Variants in DAB1 observed in about 807,000 individuals in gnomAD.
DAB1 encodes the protein DAB adaptor protein 1, also known as disabled homolog 1.
Under a neutral mutation model 64.6 loss-of-function variants are expected in DAB1, and 15 were observed. The observed-to-expected ratio is 0.23, with a 90% CI of 0.16 to 0.36. The LOEUF (loss-of-function observed/expected upper bound fraction) is 0.36. DAB1 is among the 10% of genes least tolerant of loss of function. DAB1 has a pLI of 1.00. For synonymous variants in DAB1, 235 were observed against 251.9 expected, an observed-to-expected ratio of 0.93 and a Z score of 0.64; for missense variants, 596 against 706.7, an observed-to-expected ratio of 0.84 and a Z score of 1.78.
chr1:57,015,732 G>A (rs1354949187), intron 11 of DAB1, among the ~76,000 whole-genome samples: 5 of 152,208 alleles, frequency 3.3e-5, no homozygotes, highest in African/African-American at 9.7e-5. Context: ...CAGAAGCTGT[G>A]TGTCTCAGGG....
chr1:57,080,268 C>T (rs1290071659), intron 4 of DAB1, among the ~76,000 whole-genome samples: 1 of 152,166 alleles, frequency 6.6e-6, no homozygotes, highest in Non-Finnish European at 1.5e-5. Flanking sequence ...TCCTTTATCT[C>T]TATAAATTTG....
chr1:58,239,882 G>T (rs1212414342), intron 4 of DAB1, among the ~76,000 whole-genome samples: 1 of 152,126 alleles, frequency 6.6e-6, no homozygotes, highest in African/African-American at 2.4e-5. Context: ...GAAGACCAAA[G>T]GTTTCCAGTC....
chr1:58,158,351 T>G (rs776822447), intron 4 of DAB1, among the ~76,000 whole-genome samples: 5 of 152,198 alleles, frequency 3.3e-5, no homozygotes, highest in Admixed American at 6.5e-5. Flanking sequence ...AGAGCAGAGA[T>G]AAATTCAAAG....
intron 6 of DAB1, among the ~76,000 whole-genome samples, chr1:57,781,126 C>CTATATATA (rs35044056): frequency 1.8e-4 from 5 of 27,726 alleles, no homozygotes; most frequent in Non-Finnish European, 3.2e-4. Context: ...CTCTCTCTCT[C>CTATATATA]TATATATATA....
chr1:57,767,285 G>A (rs1649356534), intron 6 of DAB1, among the ~76,000 whole-genome samples: 1 of 152,116 alleles, frequency 6.6e-6, no homozygotes, highest in Admixed American at 6.6e-5. Flanking sequence ...CTCAGGTATG[G>A]TTGAAAGGGG....
At chr1:58,282,275 T>G (rs1661580643) in intron 4 of DAB1, among the ~76,000 whole-genome samples, 1 of 152,182 alleles carries the variant, frequency 6.6e-6, no homozygotes, top group African/African-American at 2.4e-5. Flanking sequence ...TAACTGGTAC[T>G]TCCTTATTCA....
At chr1:58,127,085 C>A (rs28793587) in intron 5 of DAB1, among the ~76,000 whole-genome samples, 2,821 of 150,002 alleles carry the variant, frequency 0.019, 75 homozygotes, top group South Asian at 0.088. Context: ...ACAGTGTAAA[C>A]GTGTTCCTAT....
intron 7 of DAB1, among the ~76,000 whole-genome samples, chr1:57,485,217 T>A (rs894878847): frequency 3.6e-5 from 5 of 140,750 alleles, no homozygotes; most frequent in Non-Finnish European, 7.8e-5. Context: ...AGGACAATGA[T>A]GGTGATTTTA....
intron 8 of DAB1, among the ~76,000 whole-genome samples, chr1:57,063,673 G>A (rs1271230075): frequency 1.3e-5 from 2 of 152,164 alleles, no homozygotes; most frequent in Non-Finnish European, 2.9e-5. Context: ...TTATTCTGAG[G>A]ATGGAGTAAG....
chr1:57,767,656 T>C (rs1649373224), intron 6 of DAB1, among the ~76,000 whole-genome samples: 2 of 152,180 alleles, frequency 1.3e-5, no homozygotes, highest in African/African-American at 4.8e-5. Flanking sequence ...TTATAGTGGC[T>C]ACTCAATAAA....
intron 5 of DAB1, among the ~76,000 whole-genome samples, chr1:58,107,425 C>T (rs1255992341): frequency 6.7e-6 from 1 of 148,638 alleles, no homozygotes; most frequent in African/African-American, 2.5e-5. Context: ...GAGCAGAGAT[C>T]GTGCCACTGC....
At chr1:57,842,773 T>C (rs1653113346) in intron 1 of DAB1, among the ~76,000 whole-genome samples, 1 of 152,230 alleles carries the variant, frequency 6.6e-6, no homozygotes, top group South Asian at 2.1e-4. Context: ...CACCAGGTCC[T>C]TTCCTCCACA....
At chr1:58,109,449 G>A (rs920310979) in intron 5 of DAB1, among the ~76,000 whole-genome samples, 2 of 152,084 alleles carry the variant, frequency 1.3e-5, no homozygotes, top group Admixed American at 6.6e-5. Flanking sequence ...TTGAATAATC[G>A]GACTTCAGGC....
chr1:57,260,621 G>A (rs1332636380), intron 2 of DAB1, among the ~76,000 whole-genome samples: 1 of 152,142 alleles, frequency 6.6e-6, no homozygotes, highest in Non-Finnish European at 1.5e-5. Flanking sequence ...GCACAGAAAA[G>A]AGCCTTTACA....
At chr1:58,152,322 C>T (rs145164401) in intron 4 of DAB1, among the ~76,000 whole-genome samples, 9 of 152,276 alleles carry the variant, frequency 5.9e-5, no homozygotes, top group African/African-American at 1.9e-4. Context: ...GATCCCTACT[C>T]CACTCTACCA....
intron 1 of DAB1, among the ~76,000 whole-genome samples, chr1:57,366,713 C>T (rs1045886959): frequency 9.2e-5 from 14 of 152,266 alleles, no homozygotes; most frequent in Admixed American, 7.8e-4. Context: ...AAGATTGGTA[C>T]TGTTATTATT....
At chr1:57,089,557 G>A (rs1480233511) in intron 4 of DAB1, among the ~76,000 whole-genome samples, 1 of 151,932 alleles carries the variant, frequency 6.6e-6, no homozygotes, top group Non-Finnish European at 1.5e-5. Context: ...GCAGGGGCAT[G>A]AGAGAGTGAG....
chr1:58,383,305 G>GTA (rs1463335767), intron 3 of DAB1, among the ~76,000 whole-genome samples: 4 of 152,296 alleles, frequency 2.6e-5, no homozygotes, highest in African/African-American at 9.6e-5. Flanking sequence ...ACTCTAGAGA[G>GTA]TATATGCTCA....
chr1:58,502,548 T>C (rs1645923128), intron 3 of DAB1, among the ~76,000 whole-genome samples: 2 of 152,230 alleles, frequency 1.3e-5, no homozygotes. Flanking sequence ...CTGCTAGAGA[T>C]GTCAAAGGAC....
Sources: gnomAD v4.1 joint callset for allele counts (sites outside exome capture counted in the v4.1 genomes callset) on GRCh38, gnomAD v4.1.1 for gene constraint, MANE v1.5 for transcripts, NCBI Gene and HGNC (gene_info 2026-07-23, HGNC 2026-07-21) for gene names.